The following CCDC146 variants were observed in gnomAD, a reference collection of about 807,000 sequenced individuals.
CCDC146 encodes coiled-coil domain-containing protein 146.
A neutral mutation model predicts 119.3 loss-of-function variants in CCDC146; 92 were observed. The ratio of observed to expected loss-of-function variants is 0.77; its 90% CI spans 0.65 to 0.92. The LOEUF is 0.92. CCDC146 is among the 40% of genes least tolerant of loss of function. The pLI is 0.00. For missense variants in CCDC146, 1,000 were observed against 1,103.0 expected (o/e 0.91, Z 1.32); for synonymous variants, 372 against 371.8 (o/e 1.00, Z -0.01).
chr7:77,271,566 A>ATATC (rs1441030994), intron 9 of CCDC146, among the ~76,000 whole-genome samples: 25 of 73,756 alleles, frequency 3.4e-4, no homozygotes, highest in African/African-American at 9.0e-4. Flanking sequence ...ATATATATAT[A>ATATC]TATGGAGATA....
intron 9 of CCDC146, among the ~76,000 whole-genome samples, chr7:77,269,949 T>A (rs1793478876): frequency 6.6e-6 from 1 of 152,094 alleles, no homozygotes; most frequent in South Asian, 2.1e-4. Context: ...TTGCATGCAA[T>A]CCAAAACTAA....
At chr7:77,221,548 T>C (rs536317143) in intron 2 of CCDC146, among the ~76,000 whole-genome samples, 1 of 152,304 alleles carries the variant, frequency 6.6e-6, no homozygotes, top group African/African-American at 2.4e-5. Flanking sequence ...TTTGGTGATA[T>C]GCTCAACCCT....
intron 2 of CCDC146, among the ~76,000 whole-genome samples, chr7:77,197,208 T>C (rs1194966897): frequency 1.3e-5 from 2 of 152,220 alleles, no homozygotes; most frequent in African/African-American, 2.4e-5. Flanking sequence ...TTGGTAGTAA[T>C]AATGACAGCA....
At chr7:77,209,595 A>T (rs1344674999) in intron 2 of CCDC146, among the ~76,000 whole-genome samples, 1 of 151,798 alleles carries the variant, frequency 6.6e-6, no homozygotes, top group Admixed American at 6.6e-5. Context: ...TCCAGTGGGG[A>T]CTCTGTGTGG....
At chr7:77,194,771 A>G (rs1791833890) in intron 2 of CCDC146, 1 of 152,146 alleles carries the variant, frequency 6.6e-6, no homozygotes, top group South Asian at 2.1e-4. Context: ...ATGTTACTCT[A>G]GAGCATTTTT....
chr7:77,125,879 A>G (rs1171327171), intron 1 of CCDC146, among the ~76,000 whole-genome samples: 3 of 152,158 alleles, frequency 2.0e-5, no homozygotes, highest in African/African-American at 4.8e-5. Flanking sequence ...TAATGAATAT[A>G]TATAGGTACT....
intron 2 of CCDC146, among the ~76,000 whole-genome samples, chr7:77,173,741 T>C (rs1024862834): frequency 6.6e-6 from 1 of 152,168 alleles, no homozygotes; most frequent in African/African-American, 2.4e-5. Context: ...GCTGCGTAAC[T>C]ATGAGGCCTG....
At chr7:77,195,983 T>C in intron 2 of CCDC146, 1 of 304,478 alleles carries the variant, frequency 3.3e-6, no homozygotes, top group Admixed American at 4.6e-5. Flanking sequence ...ATACAGCAAG[T>C]AATACAAGCA....
At chr7:77,287,384 G>A in intron 16 of CCDC146, 56 bp from the exon 17 acceptor site, 2 of 1,583,396 alleles carry the variant, frequency 1.3e-6, no homozygotes, top group Middle Eastern at 1.8e-4. Context: ...TAGGAAATAA[G>A]ATTTTGTCTT....
At chr7:77,198,269 CT>C in intron 2 of CCDC146, 1 of 985,404 alleles carries the variant, frequency 1.0e-6, no homozygotes, top group Non-Finnish European at 1.2e-6. Context: ...GAGATACTGT[CT>C]CTAAATGAAA....
At chr7:77,247,931 T>C (rs576421296) in intron 4 of CCDC146, among the ~76,000 whole-genome samples, 1 of 152,320 alleles carries the variant, frequency 6.6e-6, no homozygotes, top group South Asian at 2.1e-4. Flanking sequence ...AATCCTACTA[T>C]TGGCTATATA....
intron 4 of CCDC146, among the ~76,000 whole-genome samples, chr7:77,242,692 G>A (rs765316571): frequency 3.3e-5 from 5 of 152,148 alleles, no homozygotes; most frequent in East Asian, 1.9e-4. Flanking sequence ...AAGCAAAACC[G>A]TTTCTCCTAG....
chr7:77,237,093 C>A (rs992949596), intron 3 of CCDC146, 64 bp downstream of exon 3: 3 of 1,334,498 alleles, frequency 2.2e-6, no homozygotes, highest in East Asian at 2.3e-5. Context: ...GGTGATGAGA[C>A]CTGTCTTCAT....
intron 2 of CCDC146, among the ~76,000 whole-genome samples, chr7:77,229,046 G>GT (rs1792571775): frequency 6.6e-6 from 1 of 152,112 alleles, no homozygotes; most frequent in African/African-American, 2.4e-5. Flanking sequence ...TCTCATTGTG[G>GT]TTTTGATTTG....
intron 2 of CCDC146, among the ~76,000 whole-genome samples, chr7:77,213,016 G>A (rs1020613313): frequency 5.4e-5 from 5 of 93,038 alleles, no homozygotes; most frequent in African/African-American, 2.3e-4. Context: ...GTTTTTTGTT[G>A]TTGTTCAAGT....
chr7:77,170,806 T>A (rs1189530587), intron 2 of CCDC146, among the ~76,000 whole-genome samples: 1 of 151,970 alleles, frequency 6.6e-6, no homozygotes, highest in Non-Finnish European at 1.5e-5. Flanking sequence ...CCAACAAAAG[T>A]AGGAAAAAGT....
chr7:77,239,080 CT>C (rs538914599), intron 3 of CCDC146, among the ~76,000 whole-genome samples: 38 of 152,286 alleles, frequency 2.5e-4, no homozygotes, highest in Non-Finnish European at 4.4e-4. Context: ...CTGAATGAGT[CT>C]TCCATAGAAA....
rs145553039 is a variant in CCDC146, at chr7:77,241,507, G to A, written c.240-184G>A. The stretch of plus-strand genomic sequence containing the variant: ...AATTTTTTAACAAAAATTTTCCCTC[G>A]TGGTTGGTTGAATCCACAGATGTGG... On this transcript the variant is annotated intron_variant, in intron 3 of 18. Transcript: ENST00000285871. Among the ~76,000 whole-genome samples, 627 of 151,664 alleles carry A rather than the reference G, an allele frequency of 4.1e-3. 3 individuals carry two copies. Among genetic ancestry groups the A allele is most frequent in the Middle Eastern group, 6.8e-3 (2 of 294 alleles).
intron 2 of CCDC146, among the ~76,000 whole-genome samples, chr7:77,220,153 G>A (rs1291637817): frequency 6.6e-6 from 1 of 152,182 alleles, no homozygotes; most frequent in African/African-American, 2.4e-5. Context: ...GCATAAGACA[G>A]ACACTCCCAG....
Sources: gnomAD v4.1 joint callset for allele counts (sites outside exome capture counted in the v4.1 genomes callset) on GRCh38, gnomAD v4.1.1 for gene constraint, MANE v1.5 for transcripts, NCBI Gene and HGNC (gene_info 2026-07-23, HGNC 2026-07-21) for gene names.